NXPH1: variants seen among roughly 807,000 people sequenced by gnomAD.
NXPH1 encodes neurexophilin-1.
In NXPH1, 5 loss-of-function variants were observed where a neutral mutation model predicts 23.7. The observed-to-expected ratio is 0.21, with a 90% CI of 0.11 to 0.44. The LOEUF (loss-of-function observed/expected upper bound fraction) is 0.44, where lower values mean the gene tolerates loss of function less well. Among genes scored for constraint, NXPH1 ranks in the 20% least tolerant of loss-of-function variants. The pLI is 0.99. For synonymous variants in NXPH1, 144 were observed against 122.2 expected, an observed-to-expected ratio of 1.18 and a Z score of -1.18; for missense variants, 324 against 321.6, an observed-to-expected ratio of 1.01 and a Z score of -0.06.
intron 2 of NXPH1, among the ~76,000 whole-genome samples, chr7:8,672,854 T>C (rs534471882): frequency 6.6e-6 from 1 of 152,328 alleles, no homozygotes; most frequent in African/African-American, 2.4e-5. Context: ...TTACTTTTCT[T>C]GGCCTGAGCA....
At chr7:8,577,034 C>A (rs180997285) in intron 2 of NXPH1, among the ~76,000 whole-genome samples, 323 of 152,068 alleles carry the variant, frequency 2.1e-3, no homozygotes, top group Non-Finnish European at 3.5e-3. Context: ...ATTATTATAA[C>A]TTTGAAATAA....
chr7:8,750,550 A>G (rs1185870026), intron 2 of NXPH1, among the ~76,000 whole-genome samples: 1 of 152,154 alleles, frequency 6.6e-6, no homozygotes, highest in Non-Finnish European at 1.5e-5. Flanking sequence ...TAGAAAAAGA[A>G]CATAATGATT....
intron 2 of NXPH1, among the ~76,000 whole-genome samples, chr7:8,730,516 G>T (rs1003437577): frequency 6.6e-6 from 1 of 151,942 alleles, no homozygotes; most frequent in African/African-American, 2.4e-5. Context: ...TCCTTCAGGA[G>T]CTCTTTTAGG....
chr7:8,473,538 C>A (rs1190805200), intron 2 of NXPH1, among the ~76,000 whole-genome samples: 1 of 152,002 alleles, frequency 6.6e-6, no homozygotes, highest in Non-Finnish European at 1.5e-5. Context: ...TGGAGGTTTT[C>A]CATGTAACTT....
intron 2 of NXPH1, among the ~76,000 whole-genome samples, chr7:8,475,880 T>C (rs1816961721): frequency 1.3e-5 from 2 of 152,202 alleles, no homozygotes; most frequent in Admixed American, 1.3e-4. Context: ...ATTTGAATTC[T>C]GTAATCTTTA....
intron 2 of NXPH1, among the ~76,000 whole-genome samples, chr7:8,506,475 A>C (rs1005103355): frequency 2.6e-5 from 4 of 152,228 alleles, no homozygotes; most frequent in African/African-American, 9.6e-5. Context: ...TTATTCAACT[A>C]TCTAGTGAAT....
At chr7:8,637,952 A>G (rs1445526560) in intron 2 of NXPH1, among the ~76,000 whole-genome samples, 1 of 152,204 alleles carries the variant, frequency 6.6e-6, no homozygotes, top group Non-Finnish European at 1.5e-5. Context: ...CATACCTGGA[A>G]TAGGAATCCA....
intron 2 of NXPH1, among the ~76,000 whole-genome samples, chr7:8,584,737 G>A (rs1818948857): frequency 6.6e-6 from 1 of 152,194 alleles, no homozygotes; most frequent in African/African-American, 2.4e-5. Context: ...GTTAAGGTTT[G>A]AAGTTGTTTG....
chr7:8,498,137 T>C lies in NXPH1; in HGVS notation c.54+62370T>C, dbSNP rs149170156. ...AAAATGCTTTTTAAACCATGAAGCA[T>C]TGTACACACGCAAGTTATTATTATT... On this transcript the variant is annotated intron_variant, in intron 2 of 2. Coordinates refer to ENST00000405863, the MANE Select transcript of NXPH1 (RefSeq NM_152745.3). Among the ~76,000 whole-genome samples, 374 of 151,834 alleles carry C rather than the reference T, an allele frequency of 2.5e-3. 1 individual carries two copies. The highest frequency in any genetic ancestry group is 8.4e-3 in the African/African-American group (347 of 41,464).
At chr7:8,489,334 G>T (rs2189901) in intron 2 of NXPH1, among the ~76,000 whole-genome samples, 70,742 of 151,834 alleles carry the variant, frequency 0.47, 17,063 homozygotes, top group East Asian at 0.78. Flanking sequence ...TGAGTTATCT[G>T]TTCCAGTTCC....
In NXPH1 at chr7:8,573,837, T is replaced by G. The variant is rs1818699209; in HGVS notation, c.54+138070T>G. 2.6e-5 allele frequency among the ~76,000 whole-genome samples: 4 copies of G among 152,292 alleles called. No homozygotes were observed. In the South Asian group the frequency reaches 8.3e-4, roughly 32 times the overall value. On this transcript the variant is annotated intron_variant, in intron 2 of 2. Transcript: ENST00000405863. ...AATAAACTATGCCATTGGCTCCTGATGTTTAAAGACATCATTGACATTTAC... is the reference window on the plus strand; with the variant it reads ...AATAAACTATGCCATTGGCTCCTGAGGTTTAAAGACATCATTGACATTTAC...
At position 8,473,875 on chromosome 7, in the gene NXPH1, G is replaced by T. The variant is rs533458806; in HGVS notation, c.54+38108G>T. Reference sequence around the variant, plus strand: ...CAAAGAACCGACGGTTTCAGCTTGGGCAGGATGTCATTTCTCTTTTATAGG... The same window carrying T: ...CAAAGAACCGACGGTTTCAGCTTGGTCAGGATGTCATTTCTCTTTTATAGG... On this transcript the variant is annotated intron_variant, in intron 2 of 2. Transcript: ENST00000405863. Among the ~76,000 whole-genome samples, 21 of 152,118 alleles carry T rather than the reference G, an allele frequency of 1.4e-4. No homozygotes were observed. In the East Asian group the frequency reaches 3.1e-3, roughly 22 times the overall value.
chr7:8,720,597 T>A (rs1779955047), intron 2 of NXPH1, among the ~76,000 whole-genome samples: 1 of 152,178 alleles, frequency 6.6e-6, no homozygotes. Flanking sequence ...AAATGTGAAA[T>A]GAAACAGACC....
chr7:8,616,339 T>A (rs1241467302), intron 2 of NXPH1, among the ~76,000 whole-genome samples: 1 of 152,068 alleles, frequency 6.6e-6, no homozygotes, highest in East Asian at 1.9e-4. Flanking sequence ...CTGATGACCC[T>A]ATAGAAAATA....
chr7:8,593,916 T>C (rs1819159462), intron 2 of NXPH1, among the ~76,000 whole-genome samples: 1 of 152,030 alleles, frequency 6.6e-6, no homozygotes, highest in African/African-American at 2.4e-5. Flanking sequence ...CATACAAAAA[T>C]ACATATATTT....
intron 2 of NXPH1, among the ~76,000 whole-genome samples, chr7:8,633,448 C>T (rs1271480456): frequency 6.6e-6 from 1 of 152,188 alleles, no homozygotes; most frequent in Admixed American, 6.5e-5. Context: ...TTGATGATCT[C>T]ACAATAGAGT....
Position 8,679,009 on chromosome 7 carries a change from A to G in NXPH1, c.55-71999A>G, listed in dbSNP as rs1001486714. On this transcript the variant is annotated intron_variant, in intron 2 of 2. Coordinates refer to ENST00000405863, the MANE Select transcript of NXPH1 (RefSeq NM_152745.3). ...TGTCACCCAGGCTGAGTGCAGTGGC[A>G]CGATTTCGGCTCACTGCAAGCTCCG... 1.3e-3 allele frequency among the ~76,000 whole-genome samples: 171 copies of G among 128,568 alleles called. 1 individual carries two copies. Among genetic ancestry groups the G allele is most frequent in the African/African-American group, 4.9e-3 (160 of 32,438 alleles). The allele number at this position is 128,568 out of a possible 152,430, so 84.3% of individuals were successfully genotyped here. A position where few individuals can be genotyped will look rare whatever the true frequency, so the allele number is the denominator to read the frequency against.
At chr7:8,541,128 A>G (rs1378099135) in intron 2 of NXPH1, among the ~76,000 whole-genome samples, 1 of 151,808 alleles carries the variant, frequency 6.6e-6, no homozygotes, top group Non-Finnish European at 1.5e-5. Context: ...GATGACATGA[A>G]TGTTAGATTG....
At chr7:8,748,890 T>A (rs980008491) in intron 2 of NXPH1, among the ~76,000 whole-genome samples, 1 of 152,212 alleles carries the variant, frequency 6.6e-6, no homozygotes, top group Non-Finnish European at 1.5e-5. Context: ...GTATTCTTTC[T>A]GTGGTGAGAA....
Sources: allele counts gnomAD v4.1 joint callset (sites outside exome capture counted in the v4.1 genomes callset), GRCh38; gene constraint gnomAD v4.1.1; transcripts MANE v1.5; gene names NCBI Gene and HGNC (gene_info 2026-07-23, HGNC 2026-07-21).